The following GALNT7 variants were observed in gnomAD, a reference collection of about 807,000 sequenced individuals.
GALNT7 encodes the protein polypeptide N-acetylgalactosaminyltransferase 7, also known as N-acetylgalactosaminyltransferase 7.
Under a neutral mutation model 82.1 loss-of-function variants are expected in GALNT7, and 60 were observed. The ratio of observed to expected loss-of-function variants is 0.73; its 90% confidence interval spans 0.59 to 0.91. The LOEUF (loss-of-function observed/expected upper bound fraction) is 0.91. Among genes scored for constraint, GALNT7 ranks in the 40% least tolerant of loss-of-function variants. The probability of loss-of-function intolerance (pLI) is 0.00; values close to 1 mark genes in which losing one functional copy is unlikely to be tolerated. For synonymous variants in GALNT7, 243 were observed against 275.1 expected (o/e 0.88, Z 1.15); for missense variants, 660 against 804.2 (o/e 0.82, Z 2.17).
intron 2 of GALNT7, among the ~76,000 whole-genome samples, chr4:173,285,824 T>A (rs74640875): frequency 0.014 from 2,123 of 152,254 alleles, 60 homozygotes; most frequent in African/African-American, 0.048. Flanking sequence ...AAGACAGATG[T>A]TGAGAGGGGC....
intron 1 of GALNT7, among the ~76,000 whole-genome samples, chr4:173,224,688 C>T (rs551332078): frequency 6.6e-6 from 1 of 152,098 alleles, no homozygotes; most frequent in South Asian, 2.1e-4. Context: ...GATTTCTTTG[C>T]AATTCTTTCT....
Position 173,314,143 on chromosome 4 carries a change from C to T in GALNT7, c.1575C>T (p.Tyr525=), listed in dbSNP as rs780954233. The change falls in exon 9 of 12, where the codon TAC becomes TAT. Residue 525 remains tyrosine, a synonymous_variant. Transcript: ENST00000265000. ...EEIAYDITSH[Y]PLPPKNVDWG... is the part of the protein sequence containing the mutation. ...TAGCTTATGATATCACCTCACACTA[C>T]CCTTTGCCACCCAAAAATGTTGACT... 4 of 1,612,668 alleles carry T rather than the reference C, an allele frequency of 2.5e-6. No homozygotes were observed. In the East Asian group the frequency reaches 8.9e-5, roughly 36 times the overall value.
intron 1 of GALNT7, among the ~76,000 whole-genome samples, chr4:173,192,930 A>C (rs902730769): frequency 6.6e-6 from 1 of 152,174 alleles, no homozygotes; most frequent in African/African-American, 2.4e-5. Context: ...GGTGTTGTCC[A>C]CTAAAGACGG....
Position 173,320,487 on chromosome 4 carries a change from G to A in GALNT7, c.1837-1093G>A, listed in dbSNP as rs1408236409. Among the ~76,000 whole-genome samples the A allele has an allele frequency of 6.6e-6, 1 of 152,054 alleles. No individual in the cohort carries two copies. Among genetic ancestry groups the A allele is most frequent in the African/African-American group, 2.4e-5 (1 of 41,400 alleles). On this transcript the variant is annotated intron_variant, in intron 11 of 11. Coordinates refer to ENST00000265000, the MANE Select transcript of GALNT7 (RefSeq NM_017423.3). The surrounding 1 kb of genome is among the most constrained non-coding windows in gnomAD (Gnocchi z 4.1). Reference sequence around the variant, plus strand: ...TTTTTGCAAATCTCTTTAATGTCTGGTTTAATAGAAGAAGACAGCTGGATT... The same window carrying A: ...TTTTTGCAAATCTCTTTAATGTCTGATTTAATAGAAGAAGACAGCTGGATT...
At chr4:173,281,726 C>T (rs952812928) in intron 2 of GALNT7, among the ~76,000 whole-genome samples, 1 of 152,168 alleles carries the variant, frequency 6.6e-6, no homozygotes, top group South Asian at 2.1e-4. Context: ...CGCACAAATC[C>T]GTTCCTTCAT....
intron 1 of GALNT7, among the ~76,000 whole-genome samples, chr4:173,228,417 A>G (rs1733909567): frequency 6.6e-6 from 1 of 151,688 alleles, no homozygotes; most frequent in Non-Finnish European, 1.5e-5. Flanking sequence ...ATTTTCTACA[A>G]AAATTATTTT....
At chr4:173,310,908 G>A (rs1246042776) in intron 8 of GALNT7, among the ~76,000 whole-genome samples, 1 of 152,088 alleles carries the variant, frequency 6.6e-6, no homozygotes, top group African/African-American at 2.4e-5. Context: ...GCTAATTTTT[G>A]TATTTTTAGT....
rs552791615 is a variant in GALNT7, at chr4:173,310,007, A to G, written c.1390-3951A>G. Among the ~76,000 whole-genome samples the G allele has an allele frequency of 3.3e-5, 5 of 152,316 alleles. No individual in the cohort carries two copies. In the East Asian group the frequency reaches 9.6e-4, roughly 29 times the overall value. ...TAAAAATTAGCTATATATACCATACAAACTACCCAGTAAGTGTGAATTTAG... is the reference window on the plus strand; with the variant it reads ...TAAAAATTAGCTATATATACCATACGAACTACCCAGTAAGTGTGAATTTAG... On this transcript the variant is annotated intron_variant, in intron 8 of 11. Coordinates refer to ENST00000265000, the MANE Select transcript of GALNT7 (RefSeq NM_017423.3).
At chr4:173,293,100 C>T (rs1736600087) in intron 3 of GALNT7, among the ~76,000 whole-genome samples, 1 of 152,072 alleles carries the variant, frequency 6.6e-6, no homozygotes, top group Non-Finnish European at 1.5e-5. Flanking sequence ...AATAACTTTT[C>T]AAAATCGCCC....
Position 173,194,642 on chromosome 4 carries a change from GT to G in GALNT7, c.126+25689del, listed in dbSNP as rs939774249. ...AGGAGATAAATTTATTTATTTATTA[GT>G]TTTTTTTATGTTATATTTTGAGTTC... is the stretch of plus-strand genomic sequence containing the variant. On this transcript the variant is annotated intron_variant, in intron 1 of 11. Coordinates refer to ENST00000265000, the MANE Select transcript of GALNT7 (RefSeq NM_017423.3). Among the ~76,000 whole-genome samples the G allele has an allele frequency of 6.6e-5, 10 of 151,878 alleles. No homozygotes were observed. The East Asian group carries it at 7.7e-4, about 12-fold the overall frequency.
At chr4:173,199,243 T>C (rs528788341) in intron 1 of GALNT7, among the ~76,000 whole-genome samples, 1 of 152,272 alleles carries the variant, frequency 6.6e-6, no homozygotes, top group South Asian at 2.1e-4. Flanking sequence ...GAGTGATAAG[T>C]TGCATGGTGG....
At chr4:173,306,401 A>G (rs1233311727) in intron 8 of GALNT7, among the ~76,000 whole-genome samples, 2 of 152,292 alleles carry the variant, frequency 1.3e-5, no homozygotes, top group African/African-American at 4.8e-5. Flanking sequence ...TTCCAGTAGT[A>G]TGTTGAATAG....
At chr4:173,243,118 C>G (rs1021021570) in intron 1 of GALNT7, among the ~76,000 whole-genome samples, 1 of 152,174 alleles carries the variant, frequency 6.6e-6, no homozygotes, top group Non-Finnish European at 1.5e-5. Context: ...TAGGCTTCAC[C>G]TGTGATTTCA....
chr4:173,227,467 G>C (rs1271528236), intron 1 of GALNT7, among the ~76,000 whole-genome samples: 1 of 152,182 alleles, frequency 6.6e-6, no homozygotes, highest in Admixed American at 6.6e-5. Flanking sequence ...CAGTAGCTGG[G>C]ACTACAGGCA....
intron 8 of GALNT7, among the ~76,000 whole-genome samples, chr4:173,312,398 G>A (rs557639630): frequency 1.3e-5 from 2 of 152,326 alleles, no homozygotes; most frequent in African/African-American, 4.8e-5. Flanking sequence ...ATCACATGGC[G>A]AGAGAGGAAG....
At chr4:173,216,723 A>ATTT (rs1561157857) in intron 1 of GALNT7, among the ~76,000 whole-genome samples, 1 of 8,462 alleles carries the variant, frequency 1.2e-4, no homozygotes, top group African/African-American at 1.8e-4. Flanking sequence ...ATATATATAT[A>ATTT]TATATTTTTT....
chr4:173,295,739 C>T, intron 4 of GALNT7, 25 bp from the exon 5 acceptor site: 1 of 1,500,928 alleles, frequency 6.7e-7, no homozygotes, highest in Non-Finnish European at 9.3e-7. Flanking sequence ...GAGGAGTATT[C>T]TTTCACCTGC....
chr4:173,195,461 GA>G (rs1394826119), intron 1 of GALNT7, among the ~76,000 whole-genome samples: 2 of 152,122 alleles, frequency 1.3e-5, no homozygotes, highest in Non-Finnish European at 2.9e-5. Context: ...CTTCTCTAAA[GA>G]AAACCTGACT....
At chr4:173,274,681 G>A (rs756573084) in intron 2 of GALNT7, among the ~76,000 whole-genome samples, 17 of 152,136 alleles carry the variant, frequency 1.1e-4, no homozygotes, top group Non-Finnish European at 2.9e-5. Context: ...AAAGTGCTTT[G>A]AAACTAATAG....
Sources: allele counts gnomAD v4.1 joint callset (sites outside exome capture counted in the v4.1 genomes callset), GRCh38; gene constraint gnomAD v4.1.1; non-coding constraint Gnocchi (gnomAD v3.1); transcripts MANE v1.5; gene names NCBI Gene and HGNC (gene_info 2026-07-23, HGNC 2026-07-21).